The following ABCF3 variants were observed in gnomAD, a reference collection of about 807,000 sequenced individuals.
ABCF3 encodes the protein ATP binding cassette subfamily F member 3, also known as ATP-binding cassette sub-family F member 3.
A neutral mutation model predicts 94.3 loss-of-function variants in ABCF3; 62 were observed. The observed-to-expected ratio is 0.66, with a 90% CI of 0.54 to 0.81. The LOEUF is 0.81. Among genes scored for constraint, ABCF3 ranks in the 40% least tolerant of loss-of-function variants. The pLI is 0.00. For synonymous variants in ABCF3, 355 were observed against 361.1 expected (o/e 0.98, Z 0.19); for missense variants, 843 against 925.3 (o/e 0.91, Z 1.15).
chr3:184,191,749 CTT>C (rs375009324), intron 16 of ABCF3, among the ~76,000 whole-genome samples: 6 of 114,678 alleles, frequency 5.2e-5, no homozygotes, highest in Admixed American at 1.8e-4. Context: ...GTTAGAGTTC[CTT>C]TTTTTTTTTT....
At chr3:184,190,201 C>T (rs1377344896) in intron 14 of ABCF3, 1 of 528,434 alleles carries the variant, frequency 1.9e-6, no homozygotes, top group Non-Finnish European at 3.4e-6. Flanking sequence ...TACAATATGA[C>T]CTTTGTGCCT....
At chr3:184,192,473 C>T (rs1041722752) in intron 16 of ABCF3, 128 bp from the exon 17 acceptor site, 1 of 895,036 alleles carries the variant, frequency 1.1e-6, no homozygotes, top group Non-Finnish European at 1.7e-6. Context: ...TCCTTCCCAG[C>T]CTCTAGTAAC....
chr3:184,191,221 C>T lies in ABCF3; in HGVS notation c.1535C>T (p.Ser512Phe). ...DPKHVIFSRLSVSADLESRIC... is the reference protein window; with the variant it reads ...DPKHVIFSRLFVSADLESRIC... Reference sequence around the variant, plus strand: ...AAGCACGTCATCTTCAGTCGCCTCTCTGTGTCTGCTGATCTCGAGTCTCGC... The same window carrying T: ...AAGCACGTCATCTTCAGTCGCCTCTTTGTGTCTGCTGATCTCGAGTCTCGC... The change falls in exon 16 of 21, where the codon TCT (serine) becomes TTT (phenylalanine). Residue 512 changes from serine (S) to phenylalanine (F), a missense_variant. Physicochemically the swap from Ser to Phe is radical, Grantham distance 155. Transcript: ENST00000429586. 6.2e-7 allele frequency: 1 copy of T among 1,614,232 alleles called. No homozygotes were observed. The highest frequency in any genetic ancestry group is 8.5e-7 in the Non-Finnish European group (1 of 1,180,044).
intron 16 of ABCF3, 101 bp from the exon 17 acceptor site, chr3:184,192,500 A>T: frequency 2.7e-6 from 3 of 1,114,776 alleles, no homozygotes; most frequent in Non-Finnish European, 3.9e-6. Flanking sequence ...TCTGCTCTCT[A>T]CTTCTATGTG....
chr3:184,191,094 C>T (rs777822022), intron 15 of ABCF3, 29 bp from the exon 16 acceptor site: 1 of 1,614,068 alleles, frequency 6.2e-7, no homozygotes, highest in Non-Finnish European at 8.5e-7. Context: ...TTCCAGCTGC[C>T]CCCACATCCT....
intron 16 of ABCF3, among the ~76,000 whole-genome samples, chr3:184,191,607 G>A (rs1716025817): frequency 6.6e-6 from 1 of 152,126 alleles, no homozygotes; most frequent in African/African-American, 2.4e-5. Flanking sequence ...TCCTAGCTTG[G>A]TTACCAAGCA....
chr3:184,186,347 G>A, intron 1 of ABCF3, 67 bp downstream of exon 1: 1 of 1,607,760 alleles, frequency 6.2e-7, no homozygotes. Context: ...CTAAGCGAGC[G>A]TCGTGCCCGG....
Position 184,186,531 on chromosome 3 carries a change from A to G in ABCF3, c.98A>G (p.Asp33Gly). The G allele has an allele frequency of 6.2e-7, 1 of 1,613,158 alleles. No homozygotes were observed. Among genetic ancestry groups the G allele is most frequent in the Non-Finnish European group, 8.5e-7 (1 of 1,179,482 alleles). ...VTGVLHSGSA[D>G]FESVDDLVEA... ...GGCGTCTTGCACAGCGGCAGCGCGG[A>G]CTTCGAGTCTGTGGATGACCTGGTG... The change falls in exon 2 of 21, where the codon GAC (aspartate) becomes GGC (glycine). Residue 33 changes from aspartate to glycine, a missense_variant. Transcript: ENST00000429586.
rs751570547 is a variant in ABCF3 at position 184,193,137 on chromosome 3, C to T, written c.1786C>T (p.Arg596Trp). 274 of 1,555,332 alleles carry T rather than the reference C, an allele frequency of 1.8e-4. 1 individual carries two copies. Among genetic ancestry groups the T allele is most frequent in the Non-Finnish European group, 2.3e-4 (267 of 1,152,440 alleles). The change falls in exon 19 of 21, where the codon CGG becomes TGG. Residue 596 changes from arginine to tryptophan, a missense_variant. Transcript: ENST00000429586. The surrounding 1 kb of genome is among the most constrained non-coding windows in gnomAD (Gnocchi z 5.2). ...PEEEYRHQLG[R>W]YGISGELAMR... ...GGAGGAGTACCGTCACCAGCTGGGT[C>T]GGTATGGCATCTCCGGAGAACTGGC...
chr3:184,192,496 C>G (rs747418989), intron 16 of ABCF3, 105 bp from the exon 17 acceptor site: 7 of 1,088,142 alleles, frequency 6.4e-6, no homozygotes, highest in Non-Finnish European at 9.3e-6. Context: ...CAACTCTGCT[C>G]TCTACTTCTA....
In ABCF3 at chr3:184,188,469, C is replaced by T; in HGVS notation, c.836+62C>T. 5 of 1,547,364 alleles carry T rather than the reference C, an allele frequency of 3.2e-6. No individual in the cohort carries two copies. In the South Asian group the frequency reaches 6.0e-5, roughly 19 times the overall value. ...TGTCGCTTACAGAGCGCCTGCCGTC[C>T]TGGAACAATCCATAATTTGCATGTA... On this transcript the variant is annotated intron_variant, in intron 7 of 20. Transcript: ENST00000429586.
At chr3:184,186,707 G>A (rs1715643917) in intron 2 of ABCF3, 53 bp downstream of exon 2, 1 of 1,591,246 alleles carries the variant, frequency 6.3e-7, no homozygotes, top group African/African-American at 1.3e-5. Context: ...CGAACGGTCC[G>A]GAGACAAGAG....
chr3:184,186,360 C>T lies in ABCF3; in HGVS notation c.73+80C>T, dbSNP rs117788533. On this transcript the variant is annotated intron_variant, in intron 1 of 20. Transcript: ENST00000429586. ...GTCTAAGCGAGCGTCGTGCCCGGGA[C>T]TGTTGCCAGGCCTCTCCTCTGCATG... 3,074 of 1,598,524 alleles carry T rather than the reference C, an allele frequency of 1.9e-3. 30 individuals carry two copies. The highest frequency in any genetic ancestry group is 0.015 in the South Asian group (1,390 of 90,418).
At position 184,188,782 on chromosome 3, in the gene ABCF3, A is replaced by G. The variant is rs756214841; in HGVS notation, c.858A>G (p.Ala286=). ...AAGRAEGSEA[A]ELAEIYAKLE... ...CCAGGGCGGAGGGCTCTGAAGCTGC[A>G]GAGCTGGCAGAAATCTATGCCAAAC... The change falls in exon 8 of 21, where the codon GCA becomes GCG. Residue 286 remains alanine (A), a synonymous_variant. Transcript: ENST00000429586. 1.2e-6 allele frequency: 2 copies of G among 1,613,932 alleles called. No individual in the cohort carries two copies. Among genetic ancestry groups the G allele is most frequent in the Middle Eastern group, 1.7e-4 (1 of 6,058 alleles).
chr3:184,186,666 G>C lies in ABCF3; in HGVS notation c.221+12G>C, dbSNP rs142678058. 241 of 1,600,484 alleles carry C rather than the reference G, an allele frequency of 1.5e-4. No homozygotes were observed. The African/African-American group carries it at 2.7e-3, about 18-fold the overall frequency. On this transcript the variant is annotated intron_variant, in intron 2 of 20. Coordinates refer to ENST00000429586, the MANE Select transcript of ABCF3 (RefSeq NM_018358.3). ...AACACTCTGCGTCTGTATGTGCCAG[G>C]GAGTAGGGGTTGATGGGGGCGAAGG...
chr3:184,187,819 G>T, intron 5 of ABCF3, 42 bp from the exon 6 acceptor site: 1 of 1,614,122 alleles, frequency 6.2e-7, no homozygotes, highest in Non-Finnish European at 8.5e-7. Context: ...TGGACAGAAG[G>T]TGGTGGGGAG....
rs750404281 is a variant in ABCF3 at position 184,193,495 on chromosome 3, G to A, written c.1971+43G>A. Reference sequence around the variant, plus strand: ...CTGACCACTCCTCCCAGGCCTCGGTGCCTCTTGTGTCCCCCTGAGCACCTC... The same window carrying A: ...CTGACCACTCCTCCCAGGCCTCGGTACCTCTTGTGTCCCCCTGAGCACCTC... On this transcript the variant is annotated intron_variant, in intron 20 of 20. Transcript: ENST00000429586. This position sits in a 1 kb window ranked among gnomAD's most constrained non-coding sequence, Gnocchi z 5.2. 4 of 1,614,112 alleles carry A rather than the reference G, an allele frequency of 2.5e-6. No individual in the cohort carries two copies. Among genetic ancestry groups the A allele is most frequent in the East Asian group, 4.5e-5 (2 of 44,870 alleles).
chr3:184,187,040 G>A, intron 3 of ABCF3, 165 bp downstream of exon 3: 1 of 715,492 alleles, frequency 1.4e-6, no homozygotes, highest in South Asian at 1.9e-5. Flanking sequence ...TGGGGGTGGG[G>A]AGGAGGTTGG....
At position 184,193,870 on chromosome 3, in the gene ABCF3, T is replaced by G; in HGVS notation, c.*172T>G. The G allele has an allele frequency of 2.2e-6, 2 of 890,316 alleles. No homozygotes were observed. Among genetic ancestry groups the G allele is most frequent in the Non-Finnish European group, 3.3e-6 (2 of 609,562 alleles). The allele number at this position is 890,316 out of a possible 1,614,324, so 55.2% of individuals were successfully genotyped here. ...TCTTCTGCACAACCTTGGGAGCCCATCCAAGGGTTGGTGAGGACTGGTCTC... is the reference window on the plus strand; with the variant it reads ...TCTTCTGCACAACCTTGGGAGCCCAGCCAAGGGTTGGTGAGGACTGGTCTC... On this transcript the variant is annotated 3_prime_UTR_variant, in exon 21 of 21. Coordinates refer to ENST00000429586, the MANE Select transcript of ABCF3 (RefSeq NM_018358.3). This position sits in a 1 kb window ranked among gnomAD's most constrained non-coding sequence, Gnocchi z 5.2.
Sources: gnomAD v4.1 joint callset for allele counts (sites outside exome capture counted in the v4.1 genomes callset) on GRCh38, gnomAD v4.1.1 for gene constraint, Gnocchi (gnomAD v3.1) non-coding constraint, MANE v1.5 for transcripts, NCBI Gene and HGNC (gene_info 2026-07-23, HGNC 2026-07-21) for gene names.